The following COL4A4 variants were observed in gnomAD, a reference collection of about 807,000 sequenced individuals.
COL4A4 encodes the protein collagen type IV alpha 4 chain.
Under a neutral mutation model 192.9 loss-of-function variants are expected in COL4A4, and 105 were observed. The observed-to-expected ratio is 0.54, with a 90% confidence interval of 0.46 to 0.64. The LOEUF (loss-of-function observed/expected upper bound fraction) is 0.64, where lower values mean the gene tolerates loss of function less well. COL4A4 is among the 30% of genes least tolerant of loss of function. The probability of loss-of-function intolerance (pLI) is 0.00; values close to 1 mark genes in which losing one functional copy is unlikely to be tolerated. For missense variants in COL4A4, 1,967 were observed against 2,169.3 expected (o/e 0.91, Z 1.85); for synonymous variants, 762 against 769.9 (o/e 0.99, Z 0.17).
intron 4 of COL4A4, among the ~76,000 whole-genome samples, chr2:227,133,235 C>A (rs998499054): frequency 6.6e-6 from 1 of 152,164 alleles, no homozygotes; most frequent in Non-Finnish European, 1.5e-5. Flanking sequence ...AGGTGACTGA[C>A]CAGGGCAGAT....
chr2:226,980,637 T>C, the COL4A4 span, among the ~76,000 whole-genome samples: 2 of 152,192 alleles, frequency 1.3e-5, no homozygotes, highest in African/African-American at 2.4e-5. Context: ...GGGTTCCTTA[T>C]GGTCTTAAAA....
intron 46 of COL4A4, among the ~76,000 whole-genome samples, 160 bp from the exon 47 acceptor site, chr2:227,008,464 C>A (rs550220939): frequency 2.3e-4 from 35 of 152,266 alleles, no homozygotes; most frequent in African/African-American, 8.4e-4. Flanking sequence ...CTGACACCTC[C>A]CTGGTCCTGT....
At chr2:227,069,657 G>C (rs919339210) in intron 25 of COL4A4, among the ~76,000 whole-genome samples, 1 of 152,140 alleles carries the variant, frequency 6.6e-6, no homozygotes, top group East Asian at 1.9e-4. Flanking sequence ...GGGAAAACTG[G>C]CTAGCCATAC....
At chr2:226,979,390 C>T in the COL4A4 span, among the ~76,000 whole-genome samples, 3 of 152,236 alleles carry the variant, frequency 2.0e-5, no homozygotes, top group South Asian at 6.2e-4. Context: ...TGTTAACAGG[C>T]CCCCATCTCA....
chr2:227,064,695 A>C (rs1053815655), intron 25 of COL4A4, among the ~76,000 whole-genome samples: 7 of 152,232 alleles, frequency 4.6e-5, no homozygotes, highest in Non-Finnish European at 8.8e-5. Context: ...TTCTCAGCAG[A>C]AACCTTACAA....
At chr2:227,088,044 C>T (rs2059696905) in intron 22 of COL4A4, among the ~76,000 whole-genome samples, 1 of 152,188 alleles carries the variant, frequency 6.6e-6, no homozygotes, top group Admixed American at 6.5e-5. Flanking sequence ...CTGCTGTATC[C>T]CCAGCACCTG....
At chr2:226,979,068 GGAAA>G in the COL4A4 span, among the ~76,000 whole-genome samples, 1 of 152,094 alleles carries the variant, frequency 6.6e-6, no homozygotes, top group Non-Finnish European at 1.5e-5. Context: ...TGCGGGCTGG[GGAAA>G]GAAAGAAGCT....
In COL4A4 at chr2:227,103,131, T is replaced by C. The variant is rs756614022; in HGVS notation, c.870+13A>G. 1.2e-6 allele frequency: 2 copies of C among 1,604,828 alleles called. No individual in the cohort carries two copies. Among genetic ancestry groups the C allele is most frequent in the South Asian group, 2.3e-5 (2 of 87,752 alleles). On this transcript the variant is annotated intron_variant, in intron 14 of 47. Transcript: ENST00000396625. Reference sequence around the variant, plus strand: ...ACACAAATGAAAAAAAAAAAGGTACTTAAATAAACTACCTTGCGTCCTGGT... The same window carrying C: ...ACACAAATGAAAAAAAAAAAGGTACCTAAATAAACTACCTTGCGTCCTGGT...
chr2:227,033,368 TG>T, intron 38 of COL4A4, 41 bp downstream of exon 38: 1 of 1,498,850 alleles, frequency 6.7e-7, no homozygotes, highest in Non-Finnish European at 9.3e-7. Flanking sequence ...TCATGAACCA[TG>T]GACTGAAGCT....
intron 43 of COL4A4, chr2:227,022,586 G>T (rs1160923962): frequency 3.7e-6 from 2 of 534,964 alleles, no homozygotes; most frequent in East Asian, 1.1e-4. Flanking sequence ...TCAGCTTCAT[G>T]TGTCCCTGAG....
the COL4A4 span, among the ~76,000 whole-genome samples, chr2:226,991,010 TC>T: frequency 1.3e-5 from 2 of 152,202 alleles, no homozygotes; most frequent in African/African-American, 4.8e-5. Flanking sequence ...AGAGGCTCCT[TC>T]ATGTGACAAA....
intron 44 of COL4A4, among the ~76,000 whole-genome samples, chr2:227,021,197 T>G (rs1360810726): frequency 6.6e-6 from 1 of 152,070 alleles, no homozygotes; most frequent in Non-Finnish European, 1.5e-5. Flanking sequence ...AGAACACTTT[T>G]TAAAAGAATG....
chr2:227,047,901 A>G (rs1381020329), intron 34 of COL4A4, among the ~76,000 whole-genome samples: 1 of 152,202 alleles, frequency 6.6e-6, no homozygotes, highest in Non-Finnish European at 1.5e-5. Context: ...TATGTTTTAG[A>G]AACCAAAATC....
At chr2:227,025,718 A>T (rs1313994618) in intron 43 of COL4A4, 84 bp downstream of exon 43, 4 of 1,233,748 alleles carry the variant, frequency 3.2e-6, no homozygotes, top group Non-Finnish European at 4.7e-6. Flanking sequence ...AGTTTAGCTC[A>T]CACATACAGA....
chr2:226,984,900 G>A, the COL4A4 span, among the ~76,000 whole-genome samples: 1 of 119,676 alleles, frequency 8.4e-6, no homozygotes, highest in African/African-American at 3.2e-5. Context: ...TCTCACTTCC[G>A]CCCTTCTGAT....
At chr2:227,007,649 C>T in intron 47 of COL4A4, 61 bp from the exon 48 acceptor site, 1 of 1,605,386 alleles carries the variant, frequency 6.2e-7, no homozygotes, top group South Asian at 1.1e-5. Context: ...CAGACCCAAT[C>T]AGGGACACAC....
intron 45 of COL4A4, among the ~76,000 whole-genome samples, chr2:227,011,740 T>C (rs747168275): frequency 3.3e-5 from 5 of 152,192 alleles, no homozygotes; most frequent in Non-Finnish European, 5.9e-5. Context: ...AATGGCTATA[T>C]GATAAGATGA....
chr2:227,156,374 G>GTGAC (rs1345628440), intron 1 of COL4A4, among the ~76,000 whole-genome samples: 6 of 146,590 alleles, frequency 4.1e-5, no homozygotes, highest in Non-Finnish European at 5.9e-5. Context: ...GCCAACCTAG[G>GTGAC]TGACACAGTG....
chr2:226,986,416 G>A, the COL4A4 span, among the ~76,000 whole-genome samples: 1 of 152,276 alleles, frequency 6.6e-6, no homozygotes, highest in African/African-American at 2.4e-5. Flanking sequence ...AGACTTGTCT[G>A]CAGTATCTTT....
Sources: allele counts gnomAD v4.1 joint callset (sites outside exome capture counted in the v4.1 genomes callset), GRCh38; gene constraint gnomAD v4.1.1; transcripts MANE v1.5; gene names NCBI Gene and HGNC (gene_info 2026-07-23, HGNC 2026-07-21).